Variants in SLC24A2 observed in about 807,000 individuals in gnomAD.
SLC24A2 encodes sodium/potassium/calcium exchanger 2.
Under a neutral mutation model 62.0 loss-of-function variants are expected in SLC24A2, and 36 were observed. That is an observed-to-expected ratio of 0.58 (90% confidence interval 0.44 to 0.77). The LOEUF is 0.77. Among genes scored for constraint, SLC24A2 ranks in the 30% least tolerant of loss-of-function variants. The pLI is 0.00. For missense variants in SLC24A2, 846 were observed against 817.9 expected, an observed-to-expected ratio of 1.03 and a Z score of -0.42; for synonymous variants, 358 against 294.0, an observed-to-expected ratio of 1.22 and a Z score of -2.23.
At chr9:20,066,542 A>G in the SLC24A2 span, among the ~76,000 whole-genome samples, 1 of 152,168 alleles carries the variant, frequency 6.6e-6, no homozygotes. Context: ...TCCATATTCC[A>G]CTTTTTAAGG....
chr9:19,555,396 G>A (rs765173840), intron 7 of SLC24A2, among the ~76,000 whole-genome samples: 8 of 152,096 alleles, frequency 5.3e-5, no homozygotes, highest in Non-Finnish European at 8.8e-5. Context: ...GTTCACTGGG[G>A]AGTTCAGAGC....
the SLC24A2 span, among the ~76,000 whole-genome samples, chr9:20,228,886 T>G: frequency 2.6e-5 from 4 of 151,714 alleles, no homozygotes. Context: ...AAATGGAGGG[T>G]GAAGCATGGT....
chr9:19,604,820 T>C (rs949653015), intron 4 of SLC24A2, among the ~76,000 whole-genome samples: 17 of 152,194 alleles, frequency 1.1e-4, no homozygotes, highest in African/African-American at 3.9e-4. Flanking sequence ...CAATGATATA[T>C]TCTACACTAC....
intron 2 of SLC24A2, among the ~76,000 whole-genome samples, chr9:19,642,247 G>T (rs1587082936): frequency 6.6e-6 from 1 of 152,120 alleles, no homozygotes. Flanking sequence ...CTACCAGCTG[G>T]GTCTGCACAG....
At chr9:19,676,686 C>T (rs576595209) in intron 2 of SLC24A2, among the ~76,000 whole-genome samples, 28 of 152,268 alleles carry the variant, frequency 1.8e-4, no homozygotes, top group African/African-American at 5.3e-4. Context: ...GAGATGTTTA[C>T]TATCTGGCAA....
chr9:20,244,111 G>A, the SLC24A2 span, among the ~76,000 whole-genome samples: 15 of 152,140 alleles, frequency 9.9e-5, no homozygotes, highest in African/African-American at 1.4e-4. Context: ...TAATTCCTTT[G>A]AGAGTCTCCA....
chr9:19,941,634 G>C, the SLC24A2 span, among the ~76,000 whole-genome samples: 1 of 151,616 alleles, frequency 6.6e-6, no homozygotes, highest in East Asian at 1.9e-4. Context: ...AGAAACGAGG[G>C]TGGCTTTACC....
chr9:20,024,773 C>A, the SLC24A2 span, among the ~76,000 whole-genome samples: 2 of 152,084 alleles, frequency 1.3e-5, no homozygotes, highest in Non-Finnish European at 2.9e-5. Flanking sequence ...GTGGGGAGAA[C>A]CTTTCAAGGC....
the SLC24A2 span, among the ~76,000 whole-genome samples, chr9:20,221,475 A>G: frequency 6.6e-6 from 1 of 152,092 alleles, no homozygotes; most frequent in Non-Finnish European, 1.5e-5. Context: ...TGATGAGGAC[A>G]GAGGAGTTGT....
At chr9:19,521,712 T>C (rs1005872748) in intron 9 of SLC24A2, among the ~76,000 whole-genome samples, 4 of 152,190 alleles carry the variant, frequency 2.6e-5, no homozygotes, top group Non-Finnish European at 5.9e-5. Context: ...CAATTATATG[T>C]CATTGATCCT....
the SLC24A2 span, among the ~76,000 whole-genome samples, chr9:20,174,011 A>G: frequency 6.6e-6 from 1 of 152,146 alleles, no homozygotes; most frequent in Non-Finnish European, 1.5e-5. Context: ...CACATAGACC[A>G]ATGTAACAGA....
chr9:20,075,355 A>T, the SLC24A2 span, among the ~76,000 whole-genome samples: 1 of 152,206 alleles, frequency 6.6e-6, no homozygotes, highest in Non-Finnish European at 1.5e-5. Context: ...GAATAACTGG[A>T]TAACCTTGCA....
At chr9:20,049,834 A>G in the SLC24A2 span, among the ~76,000 whole-genome samples, 2 of 152,126 alleles carry the variant, frequency 1.3e-5, no homozygotes, top group Non-Finnish European at 2.9e-5. Flanking sequence ...AACGCACTGC[A>G]TCTGTTACAG....
the SLC24A2 span, among the ~76,000 whole-genome samples, chr9:20,041,383 C>T: frequency 6.6e-6 from 1 of 152,226 alleles, no homozygotes; most frequent in Non-Finnish European, 1.5e-5. Context: ...TTTTGCTAGT[C>T]TTGTCTCTGT....
the SLC24A2 span, among the ~76,000 whole-genome samples, chr9:19,966,377 G>C: frequency 2.3e-4 from 35 of 152,080 alleles, no homozygotes; most frequent in African/African-American, 7.2e-4. Flanking sequence ...AACTCATTTT[G>C]CTTCAAATAA....
the SLC24A2 span, among the ~76,000 whole-genome samples, chr9:19,875,319 T>C: frequency 1.1e-4 from 16 of 152,326 alleles, no homozygotes; most frequent in African/African-American, 3.8e-4. Flanking sequence ...CATAAAGTCA[T>C]TTGAAAATGA....
chr9:19,548,426 T>C (rs140967331), intron 8 of SLC24A2, among the ~76,000 whole-genome samples: 67 of 152,334 alleles, frequency 4.4e-4, no homozygotes, highest in African/African-American at 1.4e-3. Flanking sequence ...TTTCTACTTA[T>C]GCCAACAATA....
chr9:19,954,604 C>A, the SLC24A2 span, among the ~76,000 whole-genome samples: 2 of 151,122 alleles, frequency 1.3e-5, no homozygotes, highest in African/African-American at 4.9e-5. Context: ...TTTTTTAAAT[C>A]TAGAGAGTCC....
intron 2 of SLC24A2, among the ~76,000 whole-genome samples, chr9:19,781,476 G>A (rs980235287): frequency 1.3e-5 from 2 of 152,160 alleles, no homozygotes; most frequent in African/African-American, 4.8e-5. Context: ...CAAGGGAAAT[G>A]GCCAAGGGCA....
Sources: allele counts gnomAD v4.1 joint callset (sites outside exome capture counted in the v4.1 genomes callset), GRCh38; gene constraint gnomAD v4.1.1; transcripts MANE v1.5; gene names NCBI Gene and HGNC (gene_info 2026-07-23, HGNC 2026-07-21).